The following STAB2 variants were observed in gnomAD, a reference collection of about 807,000 sequenced individuals.
The protein encoded by STAB2 is stabilin-2.
A neutral mutation model predicts 338.1 loss-of-function variants in STAB2; 288 were observed. The ratio of observed to expected loss-of-function variants is 0.85; its 90% CI spans 0.77 to 0.94. The LOEUF (loss-of-function observed/expected upper bound fraction) is 0.94. Among genes scored for constraint, STAB2 ranks in the 40% least tolerant of loss-of-function variants. STAB2 has a pLI of 0.00. For synonymous variants in STAB2, 1,202 were observed against 1,193.3 expected (o/e 1.01, Z -0.15); for missense variants, 3,141 against 3,210.1 (o/e 0.98, Z 0.52).
chr12:103,669,926 C>T (rs1303598332), intron 21 of STAB2, among the ~76,000 whole-genome samples: 1 of 152,110 alleles, frequency 6.6e-6, no homozygotes, highest in Non-Finnish European at 1.5e-5. Context: ...TCAGGGTTGA[C>T]CTGCATTGAT....
Position 103,705,640 on chromosome 12 carries a change from G to A in STAB2, c.3909G>A (p.Glu1303=). The A allele has an allele frequency of 6.2e-7, 1 of 1,614,042 alleles. No homozygotes were observed. Among genetic ancestry groups the A allele is most frequent in the Non-Finnish European group, 8.5e-7 (1 of 1,179,916 alleles). Residue 1303 remains glutamate (E), a synonymous_variant, in exon 37 of 69, where the codon GAG becomes GAA. Coordinates refer to ENST00000388887, the MANE Select transcript of STAB2 (RefSeq NM_017564.10). ...TCATTAATATTTCACAGGGTAATGAGAAGAGGAGATGCATCTATACCTCCT... is the reference window on the plus strand; with the variant it reads ...TCATTAATATTTCACAGGGTAATGAAAAGAGGAGATGCATCTATACCTCCT... ...CPFGTKSLGN[E]KRRCIYTSYF...
Position 103,728,847 on chromosome 12 carries a change from A to G in STAB2, c.4936-2A>G. 2.5e-6 allele frequency: 4 copies of G among 1,613,924 alleles called. No individual in the cohort carries two copies. Among genetic ancestry groups the G allele is most frequent in the Non-Finnish European group, 3.4e-6 (4 of 1,179,808 alleles). The stretch of plus-strand genomic sequence containing the variant: ...CTGAAACCCTCTGATCTTCTGTTAC[A>G]GGTTAAAGACTGGGACAAATACGGT... On this transcript the variant is annotated splice_acceptor_variant, in intron 47 of 68. Coordinates refer to ENST00000388887, the MANE Select transcript of STAB2 (RefSeq NM_017564.10). LOFTEE classifies it high-confidence loss of function.
chr12:103,763,693 G>A lies in STAB2; in HGVS notation c.7605+85G>A. On this transcript the variant is annotated intron_variant, in intron 68 of 68. Coordinates refer to ENST00000388887, the MANE Select transcript of STAB2 (RefSeq NM_017564.10). The stretch of plus-strand genomic sequence containing the variant: ...TTAGGAAATTTCAGTGGAGATCTTT[G>A]TACCAAAGAAGGTTCATTTCTAGAA... The A allele has an allele frequency of 3.2e-6, 4 of 1,243,012 alleles. No individual in the cohort carries two copies. In the South Asian group the frequency reaches 5.4e-5, roughly 17 times the overall value. The allele number at this position is 1,243,012 out of a possible 1,614,324, so 77.0% of individuals were successfully genotyped here.
At chr12:103,632,789 T>C (rs1418110352) in intron 6 of STAB2, among the ~76,000 whole-genome samples, 1 of 152,084 alleles carries the variant, frequency 6.6e-6, no homozygotes, top group East Asian at 1.9e-4. Flanking sequence ...CGCCCTCTAC[T>C]GGCAAAACTT....
intron 20 of STAB2, 107 bp downstream of exon 20, chr12:103,668,836 G>A (rs1023554887): frequency 8.4e-6 from 8 of 956,886 alleles, no homozygotes; most frequent in African/African-American, 1.7e-5. Flanking sequence ...GCCCGTGCTT[G>A]CTGTTGTCTT....
At chr12:103,640,382 T>A in intron 9 of STAB2, 126 bp downstream of exon 9, 2 of 1,219,120 alleles carry the variant, frequency 1.6e-6, no homozygotes, top group Non-Finnish European at 1.1e-6. Flanking sequence ...CCACCCCACA[T>A]AGTAGGAGCA....
intron 2 of STAB2, among the ~76,000 whole-genome samples, chr12:103,593,154 C>T (rs924955794): frequency 6.6e-6 from 1 of 152,058 alleles, no homozygotes; most frequent in Admixed American, 6.6e-5. Flanking sequence ...CTTTAAGATC[C>T]TAATTTCAAT....
chr12:103,674,023 T>A lies in STAB2; in HGVS notation c.2488T>A (p.Cys830Ser), dbSNP rs148221380. 3.7e-6 allele frequency: 6 copies of A among 1,614,076 alleles called. No homozygotes were observed. Among genetic ancestry groups the A allele is most frequent in the Non-Finnish European group, 5.1e-6 (6 of 1,179,986 alleles). The change falls in exon 23 of 69, where the codon TGT (cysteine) becomes AGT (serine). Residue 830 changes from cysteine to serine, a missense_variant. Cys to Ser is a moderately radical substitution (Grantham distance 112). Coordinates refer to ENST00000388887, the MANE Select transcript of STAB2 (RefSeq NM_017564.10). ...ACTCTGTGATAAGCAGACCTCAGCC[T>A]GTGGGCCCTACGTGCAGTTCTGTCA... ...GRLCDKQTSA[C>S]GPYVQFCHIH...
chr12:103,631,500 CAG>C (rs1957461599), intron 5 of STAB2, 96 bp from the exon 6 acceptor site: 12 of 1,168,574 alleles, frequency 1.0e-5, no homozygotes, highest in Non-Finnish European at 1.5e-5. Context: ...AAACAACATG[CAG>C]AGTCTCAGCA....
intron 44 of STAB2, 116 bp downstream of exon 44, chr12:103,717,957 G>A: frequency 1.0e-6 from 1 of 994,682 alleles, no homozygotes; most frequent in South Asian, 1.4e-5. Flanking sequence ...TCAGAGCTGT[G>A]TGTTGACCAT....
chr12:103,606,580 C>G (rs1193990537), intron 3 of STAB2, among the ~76,000 whole-genome samples: 1 of 152,022 alleles, frequency 6.6e-6, no homozygotes, highest in East Asian at 1.9e-4. Context: ...AAGTCCTTAT[C>G]TTGCCTTTGT....
chr12:103,758,320 G>A, intron 64 of STAB2, 31 bp downstream of exon 64: 1 of 1,609,648 alleles, frequency 6.2e-7, no homozygotes, highest in Non-Finnish European at 8.5e-7. Context: ...CTTTGCTTTA[G>A]ACTAGCATGT....
intron 11 of STAB2, 36 bp downstream of exon 11, chr12:103,650,614 A>G (rs1031027941): frequency 1.3e-6 from 2 of 1,574,336 alleles, no homozygotes; most frequent in Admixed American, 3.4e-5. Flanking sequence ...CAAGGGGCTA[A>G]TATGAAAAGC....
At chr12:103,655,634 CTG>C in intron 15 of STAB2, 53 bp downstream of exon 15, 1 of 1,603,060 alleles carries the variant, frequency 6.2e-7, no homozygotes, top group Admixed American at 1.7e-5. Flanking sequence ...CTGCCTCAGT[CTG>C]TGTCTAAACA....
intron 31 of STAB2, 138 bp from the exon 32 acceptor site, chr12:103,695,412 G>A (rs1033002438): frequency 9.8e-6 from 7 of 711,086 alleles, no homozygotes; most frequent in Non-Finnish European, 2.3e-6. Context: ...TTTATACTGT[G>A]AGTAATCTTC....
chr12:103,758,753 A>G (rs1373557198), intron 64 of STAB2, among the ~76,000 whole-genome samples: 1 of 152,196 alleles, frequency 6.6e-6, no homozygotes, highest in Non-Finnish European at 1.5e-5. Context: ...TTCCACACCA[A>G]CCTTCTTCAT....
chr12:103,708,537 G>T lies in STAB2; in HGVS notation c.4288+1G>T. 6.2e-7 allele frequency: 1 copy of T among 1,613,818 alleles called. No homozygotes were observed. The highest frequency in any genetic ancestry group is 1.7e-4 in the Middle Eastern group (1 of 6,060). On this transcript the variant is annotated splice_donor_variant, in intron 39 of 68. Coordinates refer to ENST00000388887, the MANE Select transcript of STAB2 (RefSeq NM_017564.10). LOFTEE classifies it high-confidence loss of function. ...TGGCGAGGAGTGCATTGTGACAATG[G>T]TAAGAGTGAGGCCTCCAGTATTTAT...
Position 103,673,994 on chromosome 12 carries a change from GGA to G in STAB2, c.2462_2463del (p.Arg821ThrfsTer3). The G allele has an allele frequency of 6.2e-7, 1 of 1,614,126 alleles. No individual in the cohort carries two copies. The highest frequency in any genetic ancestry group is 8.5e-7 in the Non-Finnish European group (1 of 1,180,034). ...GGCACATGCAGAGACGGCTCTGCCG[GGA>G]GACTCTGTGATAAGCAGACCTCAGC... On this transcript the variant is annotated frameshift_variant, in exon 23 of 69. Coordinates refer to ENST00000388887, the MANE Select transcript of STAB2 (RefSeq NM_017564.10). LOFTEE classifies it high-confidence loss of function.
intron 68 of STAB2, among the ~76,000 whole-genome samples, chr12:103,765,378 A>G (rs1486858591): frequency 1.3e-5 from 2 of 152,204 alleles, no homozygotes; most frequent in Non-Finnish European, 2.9e-5. Context: ...CCTAAGCATA[A>G]GGTACCAGCT....
Sources: allele counts gnomAD v4.1 joint callset (sites outside exome capture counted in the v4.1 genomes callset), GRCh38; gene constraint gnomAD v4.1.1; transcripts MANE v1.5; gene names NCBI Gene and HGNC (gene_info 2026-07-23, HGNC 2026-07-21).